Variants in MICU2 observed in about 807,000 individuals in gnomAD.
The protein encoded by MICU2 is calcium uptake protein 2, mitochondrial.
MICU2 carries 64 observed loss-of-function variants against 60.4 expected under a neutral mutation model. That is an observed-to-expected ratio of 1.06 (90% CI 0.87 to 1.31). MICU2 has a LOEUF of 1.31. Among genes scored for constraint, MICU2 ranks in the 50% most tolerant of loss-of-function variants. The probability of loss-of-function intolerance (pLI) is 0.00; values close to 1 mark genes in which losing one functional copy is unlikely to be tolerated. For synonymous variants in MICU2, 201 were observed against 175.0 expected (o/e 1.15, Z -1.17); for missense variants, 569 against 531.0 (o/e 1.07, Z -0.70).
intron 8 of MICU2, among the ~76,000 whole-genome samples, chr13:21,509,408 C>T (rs980313214): frequency 6.6e-6 from 1 of 152,184 alleles, no homozygotes; most frequent in African/African-American, 2.4e-5. Context: ...ACACTACAAC[C>T]ATGGAGTTGT....
intron 6 of MICU2, among the ~76,000 whole-genome samples, chr13:21,518,624 G>A (rs781639849): frequency 1.2e-4 from 18 of 152,104 alleles, no homozygotes; most frequent in Non-Finnish European, 2.4e-4. Context: ...TATGGTAAAT[G>A]CAAATTCTCA....
chr13:21,563,483 A>G (rs1046012243), intron 2 of MICU2, among the ~76,000 whole-genome samples: 2 of 152,058 alleles, frequency 1.3e-5, no homozygotes, highest in African/African-American at 4.8e-5. Context: ...TGCAGTTTGA[A>G]TATGATACAC....
intron 9 of MICU2, among the ~76,000 whole-genome samples, chr13:21,499,878 T>C (rs1886101280): frequency 6.6e-6 from 1 of 152,046 alleles, no homozygotes; most frequent in Non-Finnish European, 1.5e-5. Context: ...ATACAAAAAT[T>C]GCGAGGCATG....
At chr13:21,517,790 C>A (rs994825516) in intron 6 of MICU2, among the ~76,000 whole-genome samples, 1 of 98,706 alleles carries the variant, frequency 1.0e-5, no homozygotes, top group Non-Finnish European at 2.3e-5. Context: ...CACACACACA[C>A]ACACACACAC....
rs1453195601 is a variant in MICU2, at chr13:21,502,053, G to A, written c.933+873C>T. On this transcript the variant is annotated intron_variant, in intron 9 of 11. Coordinates refer to ENST00000382374, the MANE Select transcript of MICU2 (RefSeq NM_152726.3). ...TAGACTAACTGAAGACAGAATTGCT[G>A]TATTTATAATTCTAAGACTTTCTAT... is the stretch of plus-strand genomic sequence containing the variant. Among the ~76,000 whole-genome samples the A allele has an allele frequency of 2.0e-5, 3 of 152,120 alleles. No individual in the cohort carries two copies. The East Asian group carries it at 5.8e-4, about 29-fold the overall frequency.
At chr13:21,515,573 A>G in intron 6 of MICU2, 2 of 435,772 alleles carry the variant, frequency 4.6e-6, no homozygotes, top group Middle Eastern at 3.4e-4. Flanking sequence ...TCATATGGAA[A>G]GCAAATTTAA....
intron 4 of MICU2, chr13:21,530,951 T>C: frequency 1.3e-6 from 1 of 767,672 alleles, no homozygotes; most frequent in Admixed American, 1.7e-5. Context: ...GTGGTCCAGA[T>C]CATTTACAGT....
At chr13:21,584,257 C>T (rs1460794344) in intron 1 of MICU2, among the ~76,000 whole-genome samples, 1 of 151,924 alleles carries the variant, frequency 6.6e-6, no homozygotes, top group Non-Finnish European at 1.5e-5. Flanking sequence ...GGCGTGGTGG[C>T]AGGCGCCTGT....
At chr13:21,530,832 C>CA in intron 4 of MICU2, 1 of 737,140 alleles carries the variant, frequency 1.4e-6, no homozygotes, top group Non-Finnish European at 2.4e-6. Flanking sequence ...GTGGTGCCCC[C>CA]ATGGACGACG....
intron 2 of MICU2, among the ~76,000 whole-genome samples, chr13:21,544,711 G>A (rs1887374834): frequency 6.6e-6 from 1 of 152,096 alleles, no homozygotes. Flanking sequence ...AGAGTGCAGT[G>A]GCATGGTCAT....
chr13:21,576,050 G>A (rs1888220848), intron 1 of MICU2, among the ~76,000 whole-genome samples: 1 of 152,234 alleles, frequency 6.6e-6, no homozygotes. Context: ...TGATGTTAGA[G>A]CAGAAGTATG....
chr13:21,573,102 A>C (rs1394882040), intron 1 of MICU2, among the ~76,000 whole-genome samples: 1 of 152,310 alleles, frequency 6.6e-6, no homozygotes, highest in South Asian at 2.1e-4. Context: ...ATGTTATATA[A>C]AAATACCAGG....
chr13:21,514,551 T>G lies in MICU2; in HGVS notation c.598-133A>C, dbSNP rs549694808. 8,980 of 605,610 alleles carry G rather than the reference T, an allele frequency of 0.015. 636 individuals carry two copies. The African/African-American group carries it at 0.15, about 10-fold the overall frequency. 37.5% of individuals were successfully genotyped at this position (605,610 alleles called of 1,614,324 possible). ...CTAAATATTAACTTCTTTTTTTTTT[T>G]GAGATGGAGTCTTACTCTGTTGCCC... On this transcript the variant is annotated intron_variant, in intron 6 of 11. Coordinates refer to ENST00000382374, the MANE Select transcript of MICU2 (RefSeq NM_152726.3).
rs2138165332 is a variant in MICU2 at position 21,521,265 on chromosome 13, CA to C, written c.576del (p.Ile192MetfsTer13). 6.2e-7 allele frequency: 1 copy of C among 1,603,098 alleles called. No individual in the cohort carries two copies. The highest frequency in any genetic ancestry group is 1.1e-5 in the South Asian group (1 of 88,322). On this transcript the variant is annotated frameshift_variant, in exon 6 of 12. Transcript: ENST00000382374. LOFTEE classifies it high-confidence loss of function. ...KMLDTDGNEM[I>X]EKREFFKLQK... is the part of the protein sequence containing the mutation. ...CTTACCTTAAAAAATTCCCTTTTTT[CA>C]ATCATCTCATTACCATCTGTATCCA...
chr13:21,512,412 T>C (rs1886453397), intron 7 of MICU2, among the ~76,000 whole-genome samples: 1 of 152,122 alleles, frequency 6.6e-6, no homozygotes, highest in South Asian at 2.1e-4. Context: ...TTTCACACTC[T>C]TGACAGTGTC....
intron 4 of MICU2, among the ~76,000 whole-genome samples, chr13:21,534,548 G>T (rs1172722673): frequency 6.6e-6 from 1 of 152,020 alleles, no homozygotes; most frequent in Non-Finnish European, 1.5e-5. Context: ...ATAAATTATT[G>T]AAAGTTTTAA....
chr13:21,577,973 CA>C (rs910129546), intron 1 of MICU2, among the ~76,000 whole-genome samples: 3 of 145,476 alleles, frequency 2.1e-5, no homozygotes, highest in African/African-American at 7.4e-5. Flanking sequence ...ATTTTGTCTC[CA>C]AAAAAAATTT....
intron 4 of MICU2, chr13:21,530,752 A>G (rs903793133): frequency 7.1e-6 from 4 of 562,992 alleles, no homozygotes; most frequent in Non-Finnish European, 1.3e-5. Context: ...AGCAGCCCCC[A>G]CCCCAGCCAT....
Position 21,604,075 on chromosome 13 carries a change from C to T in MICU2, c.74G>A (p.Ser25Asn). 1.3e-6 allele frequency: 2 copies of T among 1,600,004 alleles called. No individual in the cohort carries two copies. The highest frequency in any genetic ancestry group is 1.7e-6 in the Non-Finnish European group (2 of 1,174,824). ...GGKLRRGLAV[S>N]RQAVRSPGPL... is the part of the protein sequence containing the mutation. ...GCCGGGACTCCGCACAGCCTGTCGG[C>T]TGACAGCGAGCCCCCGTCGCAGTTT... The change falls in exon 1 of 12, where the codon AGC (serine) becomes AAC (asparagine). Residue 25 changes from serine to asparagine, a missense_variant. Coordinates refer to ENST00000382374, the MANE Select transcript of MICU2 (RefSeq NM_152726.3).
Sources: gnomAD v4.1 joint callset for allele counts (sites outside exome capture counted in the v4.1 genomes callset) on GRCh38, gnomAD v4.1.1 for gene constraint, MANE v1.5 for transcripts, NCBI Gene and HGNC (gene_info 2026-07-23, HGNC 2026-07-21) for gene names.